The following FAAP20 variants were observed in gnomAD, a reference collection of about 807,000 sequenced individuals.
FAAP20 encodes FA core complex associated protein 20.
FAAP20 carries 12 observed loss-of-function variants against 16.2 expected under a neutral mutation model. That is an observed-to-expected ratio of 0.74 (90% CI 0.48 to 1.20). The LOEUF (loss-of-function observed/expected upper bound fraction) is 1.20, where lower values mean the gene tolerates loss of function less well. Ranked by LOEUF, FAAP20 falls within the 50% of genes most tolerant of loss-of-function variation. The pLI, the probability that FAAP20 is intolerant of heterozygous loss-of-function variation, is 0.00. For synonymous variants in FAAP20, 141 were observed against 110.7 expected (o/e 1.27, Z -1.72); for missense variants, 288 against 245.8 (o/e 1.17, Z -1.15).
downstream of FAAP20, among the ~76,000 whole-genome samples, chr1:2,209,658 G>A (rs969458702): frequency 6.6e-6 from 1 of 152,212 alleles, no homozygotes; most frequent in Non-Finnish European, 1.5e-5. Flanking sequence ...ACAGGGGGAG[G>A]GCAGCAGGCC....
chr1:2,193,553 G>T, intron 3 of FAAP20, 86 bp downstream of exon 3: 2 of 1,542,440 alleles, frequency 1.3e-6, no homozygotes. Context: ...CCAGCGCTGA[G>T]CTCGGCCACC....
intron 3 of FAAP20, chr1:2,193,107 C>A (rs571837250): frequency 2.1e-6 from 2 of 962,394 alleles, no homozygotes; most frequent in Non-Finnish European, 2.8e-6. Context: ...GGACCTGCTC[C>A]GGAGGCCAAG....
downstream of FAAP20, among the ~76,000 whole-genome samples, chr1:2,187,595 C>A (rs967546815): frequency 2.6e-5 from 4 of 152,186 alleles, no homozygotes; most frequent in East Asian, 7.7e-4. Context: ...TGAGCTACCG[C>A]GCCCGGCCTG....
Position 2,193,992 on chromosome 1 carries a change from G to A in FAAP20, c.198+6C>T, listed in dbSNP as rs1434462102. On this transcript the variant is annotated splice_donor_region_variant and intron_variant, in intron 2 of 3. Transcript: ENST00000378546. The stretch of plus-strand genomic sequence containing the variant: ...TTCATCGCTAAGATGGGCCCAGTGG[G>A]CACACCTGTCCTGGGAAGGCGGGCA... 1 of 1,612,740 alleles carries A rather than the reference G, an allele frequency of 6.2e-7. No individual in the cohort carries two copies. The highest frequency in any genetic ancestry group is 1.1e-5 in the South Asian group (1 of 91,084).
At position 2,189,651 on chromosome 1, in the gene FAAP20, GC is replaced by G; in HGVS notation, c.*57del. ...GGCGGGGGAGCCGAGAGGCGGGGCT[GC>G]TGGCGGGGGAGAGCGTGTCCGGGCG... On this transcript the variant is annotated 3_prime_UTR_variant, in exon 4 of 4. Transcript: ENST00000378546. 4 of 1,420,560 alleles carry G rather than the reference GC, an allele frequency of 2.8e-6. No homozygotes were observed. In the Admixed American group the frequency reaches 7.2e-5, roughly 26 times the overall value. The allele number at this position is 1,420,560 out of a possible 1,614,324, so 88.0% of individuals were successfully genotyped here. A position where few individuals can be genotyped will look rare whatever the true frequency, so the allele number is the denominator to read the frequency against.
chr1:2,190,585 C>T (rs1288677045), intron 3 of FAAP20: 5 of 363,520 alleles, frequency 1.4e-5, no homozygotes, highest in South Asian at 3.9e-5. Flanking sequence ...AGTTGACTTC[C>T]GGCCATGACT....
At chr1:2,211,419 ATATATATATATATATATTTTTTTTT>A (rs1689436712), downstream of FAAP20, among the ~76,000 whole-genome samples, 1 of 17,148 alleles carries the variant, frequency 5.8e-5, no homozygotes, top group Non-Finnish European at 9.0e-5. Context: ...ATATATATAT[ATATATATATATATATATTTTTTTTT>A]TTTTTTTTTT....
upstream of FAAP20, among the ~76,000 whole-genome samples, chr1:2,204,200 C>A (rs1191864880): frequency 6.6e-6 from 1 of 152,258 alleles, no homozygotes; most frequent in East Asian, 1.9e-4. Flanking sequence ...GTCACTATCT[C>A]TGCAGCCCGC....
intron 3 of FAAP20, chr1:2,190,494 T>C (rs1572101750): frequency 2.3e-6 from 1 of 442,574 alleles, no homozygotes; most frequent in Admixed American, 2.4e-5. Flanking sequence ...CCCGGCCTCA[T>C]GTGGCCCCAT....
At chr1:2,196,990 C>T (rs185949476), upstream of FAAP20, among the ~76,000 whole-genome samples, 287 of 152,262 alleles carry the variant, frequency 1.9e-3, 2 homozygotes, top group East Asian at 0.017. The surrounding 1 kb of genome is among the most constrained non-coding windows in gnomAD (Gnocchi z 4.5). Flanking sequence ...CTGTTGGACC[C>T]GGGGGTGGCT....
intron 3 of FAAP20, chr1:2,206,261 C>G (rs1364586959): frequency 6.6e-6 from 1 of 152,292 alleles, no homozygotes; most frequent in African/African-American, 2.4e-5. Context: ...ATACGGGGTC[C>G]CCCTGTGTCT....
At chr1:2,198,926 C>G (rs1397933620), upstream of FAAP20, 4 of 1,289,748 alleles carry the variant, frequency 3.1e-6, no homozygotes, top group East Asian at 2.2e-4. Flanking sequence ...CTGTGAGAGA[C>G]AGTTGCCTGG....
rs1465640496 is a variant in FAAP20, at chr1:2,189,631, G to A, written c.*78C>T. 10 of 1,223,248 alleles carry A rather than the reference G, an allele frequency of 8.2e-6. No individual in the cohort carries two copies. The highest frequency in any genetic ancestry group is 7.6e-5 in the African/African-American group (5 of 66,154). The allele number at this position is 1,223,248 out of a possible 1,614,324, so 75.8% of individuals were successfully genotyped here. A position where few individuals can be genotyped will look rare whatever the true frequency, so the allele number is the denominator to read the frequency against. On this transcript the variant is annotated 3_prime_UTR_variant, in exon 4 of 4. Coordinates refer to ENST00000378546, the MANE Select transcript of FAAP20 (RefSeq NM_182533.4). Reference sequence around the variant, plus strand: ...AGCCGAGAGGCGGGGCTGCTGGCGGGGGAGCCGAGAGGCGGGGCTGCTGGC... The same window carrying A: ...AGCCGAGAGGCGGGGCTGCTGGCGGAGGAGCCGAGAGGCGGGGCTGCTGGC...
chr1:2,204,217 G>A (rs955617713), upstream of FAAP20, among the ~76,000 whole-genome samples: 9 of 152,226 alleles, frequency 5.9e-5, no homozygotes, highest in Non-Finnish European at 1.0e-4. Flanking sequence ...CCGCGTGTGC[G>A]GCCAGTGTCC....
chr1:2,211,355 A>C (rs1409151901), downstream of FAAP20, among the ~76,000 whole-genome samples: 26 of 103,478 alleles, frequency 2.5e-4, no homozygotes, highest in South Asian at 3.6e-4. Flanking sequence ...TCAGCCTCCC[A>C]AGTAGCTGGG....
chr1:2,187,171 C>T (rs774032724), downstream of FAAP20: 2 of 471,540 alleles, frequency 4.2e-6, no homozygotes, highest in South Asian at 3.1e-5. Flanking sequence ...CCCTTGACTG[C>T]CAGGGTCATT....
downstream of FAAP20, chr1:2,185,639 G>T: frequency 1.6e-6 from 1 of 641,994 alleles, no homozygotes; most frequent in Non-Finnish European, 2.9e-6. Context: ...GCAGATGGCA[G>T]CTGGGCCAGC....
chr1:2,209,685 A>AG (rs764148090), downstream of FAAP20, among the ~76,000 whole-genome samples: 29 of 152,316 alleles, frequency 1.9e-4, no homozygotes, highest in Non-Finnish European at 2.9e-4. Context: ...CACGAAGTTC[A>AG]GGGGGGCTGC....
chr1:2,184,843 T>G, downstream of FAAP20: 2 of 1,432,380 alleles, frequency 1.4e-6, 1 homozygote, highest in South Asian at 2.4e-5. Context: ...GGGAGGATTC[T>G]TATGCGAACG....
Sources: gnomAD v4.1 joint callset for allele counts (sites outside exome capture counted in the v4.1 genomes callset) on GRCh38, gnomAD v4.1.1 for gene constraint, Gnocchi (gnomAD v3.1) non-coding constraint, MANE v1.5 for transcripts, NCBI Gene and HGNC (gene_info 2026-07-23, HGNC 2026-07-21) for gene names.